Variants in MLN observed in about 807,000 individuals in gnomAD.
MLN encodes the protein motilin.
A neutral mutation model predicts 13.3 loss-of-function variants in MLN; 14 were observed. The observed-to-expected ratio is 1.05, with a 90% CI of 0.69 to 1.64. The LOEUF is 1.64. Ranked by LOEUF, MLN falls within the 40% of genes most tolerant of loss-of-function variation. The pLI is 0.00. For synonymous variants in MLN, 59 were observed against 54.7 expected (o/e 1.08, Z -0.34); for missense variants, 122 against 142.9 (o/e 0.85, Z 0.75).
intron 3 of MLN, among the ~76,000 whole-genome samples, chr6:33,796,278 A>C (rs1460689958): frequency 6.6e-6 from 1 of 152,196 alleles, no homozygotes; most frequent in African/African-American, 2.4e-5. Flanking sequence ...GAGGAAACTG[A>C]GGACAATGAG....
chr6:33,798,147 C>G (rs1201658388), intron 3 of MLN, among the ~76,000 whole-genome samples: 1 of 152,074 alleles, frequency 6.6e-6, no homozygotes, highest in African/African-American at 2.4e-5. Flanking sequence ...CGTCTCCTTG[C>G]GGCTCTGTTT....
chr6:33,801,992 A>G (rs1200242915), intron 1 of MLN, among the ~76,000 whole-genome samples: 1 of 151,766 alleles, frequency 6.6e-6, no homozygotes, highest in Non-Finnish European at 1.5e-5. Flanking sequence ...AGGCATGGTG[A>G]CTGCAGGGGT....
At chr6:33,802,707 C>A (rs1421879268) in intron 1 of MLN, among the ~76,000 whole-genome samples, 2 of 152,188 alleles carry the variant, frequency 1.3e-5, no homozygotes, top group Non-Finnish European at 2.9e-5. Context: ...AAATTCCCAG[C>A]AGGCTGAAAG....
At position 33,799,184 on chromosome 6, in the gene MLN, C is replaced by T; in HGVS notation, c.155G>A (p.Ser52Asn). ...ERNKGQKKSL[S>N]VWQRSGEEGP... ...TTCCTCCCCAGACCTCTGCCATACACTCAGGGATTTCTTTTGCCCTTTATT... is the reference window on the plus strand; with the variant it reads ...TTCCTCCCCAGACCTCTGCCATACATTCAGGGATTTCTTTTGCCCTTTATT... The change falls in exon 3 of 5, where the codon AGT (serine) becomes AAT (asparagine). Residue 52 changes from serine (S) to asparagine (N), a missense_variant. Ser to Asn is a conservative substitution (Grantham distance 46). Transcript: ENST00000430124. The surrounding 1 kb of genome is among the most constrained non-coding windows in gnomAD (Gnocchi z 4.6). 6.2e-7 allele frequency: 1 copy of T among 1,613,228 alleles called. No homozygotes were observed. Among genetic ancestry groups the T allele is most frequent in the Middle Eastern group, 1.6e-4 (1 of 6,062 alleles).
chr6:33,800,732 G>C (rs899197107), intron 2 of MLN, among the ~76,000 whole-genome samples: 2 of 152,274 alleles, frequency 1.3e-5, no homozygotes, highest in African/African-American at 4.8e-5. Flanking sequence ...GAGATGGGGA[G>C]GTGCTGAGAT....
Position 33,794,983 on chromosome 6 carries a change from G to A in MLN, c.338-148C>T, listed in dbSNP as rs1309187090. ...GGGAAGTTTTGCAAGGAGCCTGCAA[G>A]CTGTCTGTAGCCTGGGGCAAGTCAT... is the stretch of plus-strand genomic sequence containing the variant. On this transcript the variant is annotated intron_variant, in intron 4 of 4. Coordinates refer to ENST00000430124, the MANE Select transcript of MLN (RefSeq NM_002418.3). 6.7e-6 allele frequency: 6 copies of A among 900,230 alleles called. No individual in the cohort carries two copies. In the African/African-American group the frequency reaches 9.9e-5, roughly 15 times the overall value. The allele number at this position is 900,230 out of a possible 1,614,324, so 55.8% of individuals were successfully genotyped here. A position where few individuals can be genotyped will look rare whatever the true frequency, so the allele number is the denominator to read the frequency against.
rs965685132 is a variant in MLN at position 33,803,134 on chromosome 6, C to T, written c.-8+819G>A. Among the ~76,000 whole-genome samples the T allele has an allele frequency of 1.3e-5, 2 of 152,124 alleles. No individual in the cohort carries two copies. Among genetic ancestry groups the T allele is most frequent in the African/African-American group, 2.4e-5 (1 of 41,416 alleles). On this transcript the variant is annotated intron_variant, in intron 1 of 4. Coordinates refer to ENST00000430124, the MANE Select transcript of MLN (RefSeq NM_002418.3). The surrounding 1 kb of genome is among the most constrained non-coding windows in gnomAD (Gnocchi z 4.5). Reference sequence around the variant, plus strand: ...AGGAGCTTTTCATTGTACAGTGAGGCACTAACTTTCCTTTCCCATCATCAG... The same window carrying T: ...AGGAGCTTTTCATTGTACAGTGAGGTACTAACTTTCCTTTCCCATCATCAG...
At chr6:33,801,789 GC>G (rs34138270) in intron 1 of MLN, among the ~76,000 whole-genome samples, 1 of 152,220 alleles carries the variant, frequency 6.6e-6, no homozygotes, top group African/African-American at 2.4e-5. Flanking sequence ...TTGGGAACAA[GC>G]CCCCCGCCCC....
At chr6:33,800,477 C>T (rs983693066) in intron 2 of MLN, among the ~76,000 whole-genome samples, 3 of 152,334 alleles carry the variant, frequency 2.0e-5, no homozygotes, top group Non-Finnish European at 2.9e-5. Context: ...CGCCTCTGGG[C>T]GCTGGCTCCC....
intron 2 of MLN, among the ~76,000 whole-genome samples, chr6:33,800,540 C>T (rs936328129): frequency 6.6e-6 from 1 of 152,242 alleles, no homozygotes; most frequent in Non-Finnish European, 1.5e-5. Flanking sequence ...TCCACCTTTT[C>T]CCTGCAGGCT....
At position 33,794,768 on chromosome 6, in the gene MLN, C is replaced by A. The variant is rs111396369; in HGVS notation, c.*57G>T. On this transcript the variant is annotated 3_prime_UTR_variant, in exon 5 of 5. Transcript: ENST00000430124. The stretch of plus-strand genomic sequence containing the variant: ...TGGCAGGCTCTGTAAATTCCCAGGG[C>A]CTCACTTGGGCAGGAGGGGCCTCCC... 373 of 1,604,186 alleles carry A rather than the reference C, an allele frequency of 2.3e-4. 2 individuals carry two copies. In the African/African-American group the frequency reaches 4.2e-3, roughly 18 times the overall value.
chr6:33,798,018 A>C (rs1340027149), intron 3 of MLN, among the ~76,000 whole-genome samples: 1 of 152,010 alleles, frequency 6.6e-6, no homozygotes, highest in Non-Finnish European at 1.5e-5. Context: ...TGTTGCTTCC[A>C]CCTGGAAGGC....
rs772334522 is a variant in MLN at position 33,801,141 on chromosome 6, G to A, written c.23C>T (p.Ala8Val). 21 of 1,613,914 alleles carry A rather than the reference G, an allele frequency of 1.3e-5. No individual in the cohort carries two copies. In the South Asian group the frequency reaches 2.3e-4, roughly 18 times the overall value. Residue 8 changes from alanine (A) to valine (V), a missense_variant, in exon 2 of 5, where the codon GCT (alanine) becomes GTT (valine). Physicochemically the swap from Ala to Val is moderately conservative, Grantham distance 64. Coordinates refer to ENST00000430124, the MANE Select transcript of MLN (RefSeq NM_002418.3). ...AGCTACATGCACCACCAGCAGAGCA[G>A]CCACAGCCTTACGGGATACCATCTT... Reference protein sequence around the residue: MVSRKAVAALLVVHVAAM... With the variant: MVSRKAVVALLVVHVAAM...
chr6:33,799,246 C>T lies in MLN; in HGVS notation c.118-25G>A. Reference sequence around the variant, plus strand: ...CCTAGGGGCAGAACAGAAAATTGCACAAAACCGCCCTCCCTCAACCCACGC... The same window carrying T: ...CCTAGGGGCAGAACAGAAAATTGCATAAAACCGCCCTCCCTCAACCCACGC... On this transcript the variant is annotated intron_variant, in intron 2 of 4. Transcript: ENST00000430124. This position sits in a 1 kb window ranked among gnomAD's most constrained non-coding sequence, Gnocchi z 4.6. 1 of 1,565,942 alleles carries T rather than the reference C, an allele frequency of 6.4e-7. No individual in the cohort carries two copies. The highest frequency in any genetic ancestry group is 1.1e-5 in the South Asian group (1 of 89,356).
intron 4 of MLN, 70 bp downstream of exon 4, chr6:33,795,433 G>A: frequency 3.9e-6 from 5 of 1,268,624 alleles, no homozygotes; most frequent in Non-Finnish European, 5.6e-6. Flanking sequence ...CTGAAACCCT[G>A]CCTCTGGAGT....
At chr6:33,800,927 G>A in intron 2 of MLN, 120 bp downstream of exon 2, 1 of 752,602 alleles carries the variant, frequency 1.3e-6, no homozygotes, top group Non-Finnish European at 2.3e-6. Context: ...GGTGGCCAGA[G>A]AGGTGGCTGG....
intron 3 of MLN, among the ~76,000 whole-genome samples, chr6:33,797,717 T>C (rs1309988273): frequency 3.9e-5 from 6 of 152,144 alleles, no homozygotes; most frequent in African/African-American, 1.4e-4. Flanking sequence ...CTCTCTCTTT[T>C]TCTCTGTCTC....
At chr6:33,801,249 G>A in intron 1 of MLN, 79 bp from the exon 2 acceptor site, 3 of 1,045,486 alleles carry the variant, frequency 2.9e-6, no homozygotes, top group Non-Finnish European at 4.4e-6. Flanking sequence ...GGGGCCCTCA[G>A]TTCTGGCCCA....
chr6:33,795,410 A>G (rs1056542863), intron 4 of MLN, 93 bp downstream of exon 4: 2 of 1,032,612 alleles, frequency 1.9e-6, no homozygotes, highest in Admixed American at 2.1e-5. Flanking sequence ...AAGCAGCCAA[A>G]CAAATTGCCA....
Sources: allele counts gnomAD v4.1 joint callset (sites outside exome capture counted in the v4.1 genomes callset), GRCh38; gene constraint gnomAD v4.1.1; non-coding constraint Gnocchi (gnomAD v3.1); transcripts MANE v1.5; gene names NCBI Gene and HGNC (gene_info 2026-07-23, HGNC 2026-07-21).